LAMA4: variants seen among roughly 807,000 people sequenced by gnomAD.
LAMA4 encodes the protein laminin subunit alpha 4.
Under a neutral mutation model 207.1 loss-of-function variants are expected in LAMA4, and 127 were observed. The ratio of observed to expected loss-of-function variants is 0.61; its 90% CI spans 0.53 to 0.71. The LOEUF (loss-of-function observed/expected upper bound fraction) is 0.71, where lower values mean the gene tolerates loss of function less well. LAMA4 is among the 30% of genes least tolerant of loss of function. LAMA4 has a pLI of 0.00. For synonymous variants in LAMA4, 761 were observed against 816.0 expected, an observed-to-expected ratio of 0.93 and a Z score of 1.15; for missense variants, 2,093 against 2,246.5, an observed-to-expected ratio of 0.93 and a Z score of 1.38.
At chr6:112,141,057 A>C (rs1335358485) in intron 21 of LAMA4, 135 bp from the exon 22 acceptor site, 6 of 779,186 alleles carry the variant, frequency 7.7e-6, no homozygotes, top group African/African-American at 1.7e-5. Flanking sequence ...AAATACCACA[A>C]TCAATGAGAA....
At chr6:112,129,786 C>A (rs1778919937) in intron 30 of LAMA4, 90 bp downstream of exon 30, 3 of 1,052,946 alleles carry the variant, frequency 2.8e-6, no homozygotes, top group Non-Finnish European at 2.8e-6. Context: ...GCCTCAGATA[C>A]ATTTCATAGT....
intron 3 of LAMA4, among the ~76,000 whole-genome samples, chr6:112,208,813 T>G (rs1784211939): frequency 6.6e-6 from 1 of 152,338 alleles, no homozygotes; most frequent in Middle Eastern, 3.4e-3. Flanking sequence ...ATGAGCAATC[T>G]TTAGTCCCTG....
At chr6:112,228,715 T>C (rs1192612245) in intron 2 of LAMA4, among the ~76,000 whole-genome samples, 1 of 152,226 alleles carries the variant, frequency 6.6e-6, no homozygotes, top group Non-Finnish European at 1.5e-5. Context: ...GAGTCATGGC[T>C]TCTGCCTGAA....
At chr6:112,149,221 G>A (rs1780224999) in intron 17 of LAMA4, among the ~76,000 whole-genome samples, 1 of 151,874 alleles carries the variant, frequency 6.6e-6, no homozygotes, top group African/African-American at 2.4e-5. Flanking sequence ...ATAAATGCTA[G>A]TTTCAATCCT....
intron 2 of LAMA4, among the ~76,000 whole-genome samples, chr6:112,239,854 G>A (rs1481890347): frequency 1.3e-5 from 2 of 152,094 alleles, no homozygotes; most frequent in Non-Finnish European, 2.9e-5. Context: ...ACGAGGTCAT[G>A]AGATTGAGAA....
chr6:112,216,669 T>G, intron 2 of LAMA4, 200 bp from the exon 3 acceptor site: 1 of 579,130 alleles, frequency 1.7e-6, no homozygotes, highest in Non-Finnish European at 3.1e-6. Flanking sequence ...TATAATCTTC[T>G]TTGTTACATA....
chr6:112,156,230 C>G (rs1299912112), intron 14 of LAMA4, among the ~76,000 whole-genome samples: 1 of 152,092 alleles, frequency 6.6e-6, no homozygotes, highest in Non-Finnish European at 1.5e-5. Flanking sequence ...CCACCTCAGC[C>G]CACCCTCACC....
intron 9 of LAMA4, among the ~76,000 whole-genome samples, chr6:112,182,875 G>A (rs1782450111): frequency 6.6e-6 from 1 of 152,296 alleles, no homozygotes; most frequent in Middle Eastern, 3.4e-3. Context: ...TTGCAGACAA[G>A]ATCAGCAGCA....
intron 14 of LAMA4, among the ~76,000 whole-genome samples, chr6:112,155,922 C>T (rs1780685945): frequency 6.6e-6 from 1 of 152,202 alleles, no homozygotes; most frequent in South Asian, 2.1e-4. Context: ...AGCTGCCTGT[C>T]TGGCAGTAGC....
At chr6:112,190,930 T>TCTCTTTCTTTC (rs1783032921) in intron 6 of LAMA4, among the ~76,000 whole-genome samples, 1 of 79,802 alleles carries the variant, frequency 1.3e-5, no homozygotes, top group African/African-American at 5.3e-5. Flanking sequence ...TTTCTTTCTT[T>TCTCTTTCTTTC]CTTTCTTTCT....
intron 32 of LAMA4, among the ~76,000 whole-genome samples, chr6:112,121,414 A>T (rs1229163822): frequency 6.6e-6 from 1 of 152,240 alleles, no homozygotes; most frequent in Non-Finnish European, 1.5e-5. Flanking sequence ...ATTATAAGGT[A>T]TTAGAGATTT....
intron 2 of LAMA4, among the ~76,000 whole-genome samples, chr6:112,238,311 AG>A (rs1280204553): frequency 6.6e-6 from 1 of 152,220 alleles, no homozygotes; most frequent in African/African-American, 2.4e-5. Context: ...GCTAAAAAAG[AG>A]AGTGAAGATA....
At chr6:112,214,020 A>G in intron 3 of LAMA4, 2 of 764,424 alleles carry the variant, frequency 2.6e-6, no homozygotes, top group Non-Finnish European at 4.9e-6. Context: ...GAGAGCTGAG[A>G]ATGAACGATA....
In LAMA4 at chr6:112,185,266, G is replaced by C; in HGVS notation, c.1048C>G (p.Leu350Val). ...NNAENTMKSL[L>V]SDVEELVEKE... ...TCAACTAATTCCTCTACGTCAGACA[G>C]AAGGCTTTTCATCGTGTTCTCAGCA... Residue 350 changes from leucine (L) to valine (V), a missense_variant, in exon 9 of 39, where the codon CTG becomes GTG. By Grantham distance (32) the Leu-to-Val change is conservative. Around this residue, in one of 3 missense-constraint regions of LAMA4, gnomAD observed 1,704 missense variants for 1,788.4 expected, o/e 0.95. Coordinates refer to ENST00000230538, the MANE Select transcript of LAMA4 (RefSeq NM_001105206.3). The C allele has an allele frequency of 6.2e-7, 1 of 1,611,686 alleles. No individual in the cohort carries two copies. The highest frequency in any genetic ancestry group is 8.5e-7 in the Non-Finnish European group (1 of 1,177,758).
intron 13 of LAMA4, among the ~76,000 whole-genome samples, chr6:112,161,148 C>T (rs1781030813): frequency 6.6e-6 from 1 of 152,210 alleles, no homozygotes; most frequent in African/African-American, 2.4e-5. Flanking sequence ...AGCTCTACTC[C>T]TCCTTTCAAA....
At chr6:112,242,531 T>C (rs1361265127) in intron 2 of LAMA4, among the ~76,000 whole-genome samples, 1 of 152,218 alleles carries the variant, frequency 6.6e-6, no homozygotes, top group Non-Finnish European at 1.5e-5. Flanking sequence ...ATAAACAGCC[T>C]GGGGATATGG....
At chr6:112,136,473 C>T (rs1400326638) in intron 24 of LAMA4, among the ~76,000 whole-genome samples, 4 of 152,124 alleles carry the variant, frequency 2.6e-5, no homozygotes, top group Non-Finnish European at 4.4e-5. Flanking sequence ...AGGTGGATCA[C>T]TTGAGGCCAG....
At chr6:112,246,001 A>G (rs571991045) in intron 2 of LAMA4, among the ~76,000 whole-genome samples, 16 of 152,318 alleles carry the variant, frequency 1.1e-4, no homozygotes, top group Non-Finnish European at 1.9e-4. Flanking sequence ...TTCTCATGAT[A>G]AAAAGACTCA....
At chr6:112,115,246 G>A (rs964162978) in intron 36 of LAMA4, among the ~76,000 whole-genome samples, 2 of 152,096 alleles carry the variant, frequency 1.3e-5, no homozygotes, top group Non-Finnish European at 2.9e-5. Context: ...ACACCAAGTA[G>A]GGATACATTT....
Sources: gnomAD v4.1 joint callset for allele counts (sites outside exome capture counted in the v4.1 genomes callset) on GRCh38, gnomAD v4.1.1 for gene constraint, gnomAD v4.1.1 regional missense constraint, MANE v1.5 for transcripts, NCBI Gene and HGNC (gene_info 2026-07-23, HGNC 2026-07-21) for gene names.